Variants in SBF2 observed in about 807,000 individuals in gnomAD.
SBF2 encodes myotubularin-related protein 13.
Under a neutral mutation model 225.2 loss-of-function variants are expected in SBF2, and 112 were observed. That is an observed-to-expected ratio of 0.50 (90% CI 0.43 to 0.58). The LOEUF is 0.58. Among genes scored for constraint, SBF2 ranks in the 20% least tolerant of loss-of-function variants. The pLI is 0.00. For missense variants in SBF2, 1,996 were observed against 2,206.2 expected, an observed-to-expected ratio of 0.90 and a Z score of 1.91; for synonymous variants, 763 against 773.3, an observed-to-expected ratio of 0.99 and a Z score of 0.22.
chr11:10,006,522 T>C (rs1243915015), intron 6 of SBF2, among the ~76,000 whole-genome samples: 3 of 152,152 alleles, frequency 2.0e-5, no homozygotes, highest in Non-Finnish European at 4.4e-5. Context: ...ACTTACTTGC[T>C]TTTTTTGAGT....
At chr11:10,293,788 G>A (rs1471195239) in intron 1 of SBF2, among the ~76,000 whole-genome samples, 1 of 152,186 alleles carries the variant, frequency 6.6e-6, no homozygotes, top group Non-Finnish European at 1.5e-5. Context: ...GTGCGCCCAG[G>A]GGCTGGGCAG....
At chr11:9,906,361 C>A (rs1862116779) in intron 16 of SBF2, among the ~76,000 whole-genome samples, 1 of 152,122 alleles carries the variant, frequency 6.6e-6, no homozygotes, top group South Asian at 2.1e-4. Context: ...CCTACACACT[C>A]ATTTATAATA....
intron 17 of SBF2, among the ~76,000 whole-genome samples, chr11:9,872,182 G>A (rs953618109): frequency 6.6e-6 from 1 of 152,200 alleles, no homozygotes; most frequent in African/African-American, 2.4e-5. Context: ...TATAGATGGA[G>A]GTGGAAGCTA....
chr11:9,934,134 C>T (rs1053770321), intron 16 of SBF2, among the ~76,000 whole-genome samples: 2 of 151,690 alleles, frequency 1.3e-5, no homozygotes, highest in African/African-American at 4.8e-5. Context: ...ATATCACCAC[C>T]GATCCCACAG....
intron 17 of SBF2, among the ~76,000 whole-genome samples, chr11:9,885,590 C>T (rs1346187532): frequency 6.6e-6 from 1 of 151,990 alleles, no homozygotes; most frequent in Non-Finnish European, 1.5e-5. Flanking sequence ...TTAAAGCTTG[C>T]TAGTTCCTTT....
intron 16 of SBF2, among the ~76,000 whole-genome samples, chr11:9,924,417 A>G (rs1276094307): frequency 6.6e-6 from 1 of 152,024 alleles, no homozygotes; most frequent in Non-Finnish European, 1.5e-5. Context: ...GTGTATTGAA[A>G]GCATTTTCTT....
intron 3 of SBF2, among the ~76,000 whole-genome samples, chr11:10,039,868 G>GTCAAA (rs1270822164): frequency 6.6e-6 from 1 of 151,696 alleles, no homozygotes; most frequent in Non-Finnish European, 1.5e-5. Context: ...GTGCACGCTG[G>GTCAAA]TCAAATATGG....
At chr11:10,174,469 T>C (rs892514416) in intron 2 of SBF2, among the ~76,000 whole-genome samples, 1 of 151,920 alleles carries the variant, frequency 6.6e-6, no homozygotes, top group Non-Finnish European at 1.5e-5. Flanking sequence ...GAAAAAAGAA[T>C]AAAAAGAAAT....
rs555811143 is a variant in SBF2 at position 10,097,483 on chromosome 11, C to T, written c.142-54502G>A. Among the ~76,000 whole-genome samples, 8 of 151,978 alleles carry T rather than the reference C, an allele frequency of 5.3e-5. No homozygotes were observed. The South Asian group carries it at 1.0e-3, about 20-fold the overall frequency. Reference sequence around the variant, plus strand: ...TGCCTGTCTATTCAGGCAGAGACCACGAAACAAAATTAACAAAATTTAAAA... The same window carrying T: ...TGCCTGTCTATTCAGGCAGAGACCATGAAACAAAATTAACAAAATTTAAAA... On this transcript the variant is annotated intron_variant, in intron 2 of 39. Coordinates refer to ENST00000256190, the MANE Select transcript of SBF2 (RefSeq NM_030962.4).
At chr11:9,794,734 G>GTTATACT (rs1448919220) in intron 33 of SBF2, among the ~76,000 whole-genome samples, 1 of 126,892 alleles carries the variant, frequency 7.9e-6, no homozygotes, top group African/African-American at 2.9e-5. Context: ...GTTGTAACCA[G>GTTATACT]TTATACTTAC....
chr11:10,293,115 G>A (rs1964275610), intron 1 of SBF2, among the ~76,000 whole-genome samples: 1 of 152,186 alleles, frequency 6.6e-6, no homozygotes, highest in African/African-American at 2.4e-5. Context: ...GACTAGAATT[G>A]CCCTAAAATA....
chr11:9,847,067 A>G lies in SBF2; in HGVS notation c.2823T>C (p.Val941=). Residue 941 remains valine, a synonymous_variant, in exon 23 of 40, where the codon GTT becomes GTC. Transcript: ENST00000256190. ...TGGAGGCAATGGGAAAGCTCCGCAC[A>G]ACTGTCTGCTCACCCACTGTAAATA... ...PHDQLVGEQT[V]VRSFPIASIT... 6.2e-7 allele frequency: 1 copy of G among 1,613,774 alleles called. No individual in the cohort carries two copies. Among genetic ancestry groups the G allele is most frequent in the South Asian group, 1.1e-5 (1 of 91,080 alleles).
At position 10,029,781 on chromosome 11, in the gene SBF2, G is replaced by A. The variant is rs137913031; in HGVS notation, c.497C>T (p.Ala166Val). 13 of 1,611,546 alleles carry A rather than the reference G, an allele frequency of 8.1e-6. No individual in the cohort carries two copies. The highest frequency in any genetic ancestry group is 1.7e-5 in the Admixed American group (1 of 59,990). ...TCTATTTACCTGAGACCCTCCAGCC[G>A]CTGGGACAAGGCAGGCACAAAGGTT... The part of the protein sequence containing the change: ...IANLCACLVP[A>V]AGGSQKLFSL... The change falls in exon 5 of 40, where the codon GCG (alanine) becomes GTG (valine). Residue 166 changes from alanine to valine, a missense_variant. Physicochemically the swap from Ala to Val is moderately conservative, Grantham distance 64 (BLOSUM62 0). Transcript: ENST00000256190.
chr11:10,002,146 C>T (rs10770080), intron 7 of SBF2, among the ~76,000 whole-genome samples: 78,870 of 151,834 alleles, frequency 0.52, 21,000 homozygotes, highest in Admixed American at 0.61. Flanking sequence ...CTGTATTATT[C>T]TCAAGCAAAT....
chr11:10,183,357 T>TA (rs796229171), intron 2 of SBF2, among the ~76,000 whole-genome samples: 2 of 151,896 alleles, frequency 1.3e-5, no homozygotes, highest in East Asian at 1.9e-4. Context: ...GGGAAACTTC[T>TA]AAAAAAAATG....
chr11:9,871,821 C>A (rs539613123), intron 17 of SBF2, among the ~76,000 whole-genome samples: 5 of 152,092 alleles, frequency 3.3e-5, no homozygotes, highest in African/African-American at 1.2e-4. Context: ...AAAAAAACAA[C>A]AGATGTTGGT....
chr11:10,047,889 T>C (rs1949924791), intron 2 of SBF2, among the ~76,000 whole-genome samples: 1 of 152,182 alleles, frequency 6.6e-6, no homozygotes, highest in Non-Finnish European at 1.5e-5. Context: ...GAAGTCTTCT[T>C]TGAAACTTCC....
chr11:10,111,990 G>A (rs1952884746), intron 2 of SBF2, among the ~76,000 whole-genome samples: 1 of 152,192 alleles, frequency 6.6e-6, no homozygotes, highest in Admixed American at 6.5e-5. Flanking sequence ...GTTATAAGCT[G>A]TATTTAGACA....
chr11:10,117,613 T>G (rs1953208257), intron 2 of SBF2, among the ~76,000 whole-genome samples: 1 of 152,116 alleles, frequency 6.6e-6, no homozygotes, highest in African/African-American at 2.4e-5. Flanking sequence ...TTTATGAACT[T>G]TCAAGTGTAA....
Sources: gnomAD v4.1 joint callset for allele counts (sites outside exome capture counted in the v4.1 genomes callset) on GRCh38, gnomAD v4.1.1 for gene constraint, MANE v1.5 for transcripts, NCBI Gene and HGNC (gene_info 2026-07-23, HGNC 2026-07-21) for gene names.